Variants in GRM7 observed in about 807,000 individuals in gnomAD.
GRM7 encodes the protein glutamate metabotropic receptor 7, also known as metabotropic glutamate receptor 7.
A neutral mutation model predicts 84.5 loss-of-function variants in GRM7; 35 were observed. The ratio of observed to expected loss-of-function variants is 0.41; its 90% CI spans 0.32 to 0.55. The LOEUF (loss-of-function observed/expected upper bound fraction) is 0.55, where lower values mean the gene tolerates loss of function less well. Ranked by LOEUF, GRM7 falls within the 20% of genes least tolerant of loss-of-function variation. The pLI is 0.19. For missense variants in GRM7, 1,003 were observed against 1,194.6 expected (o/e 0.84, Z 2.36); for synonymous variants, 487 against 455.1 (o/e 1.07, Z -0.89).
intron 4 of GRM7, among the ~76,000 whole-genome samples, chr3:7,391,046 T>A (rs1694973689): frequency 6.6e-6 from 1 of 151,238 alleles, no homozygotes; most frequent in Non-Finnish European, 1.5e-5. Flanking sequence ...TTTTTTTTTC[T>A]TTTTTTTTCC....
intron 1 of GRM7, among the ~76,000 whole-genome samples, chr3:6,900,523 G>T (rs1477184987): frequency 2.0e-5 from 3 of 152,070 alleles, no homozygotes; most frequent in Non-Finnish European, 2.9e-5. Context: ...GAATAGGCAG[G>T]ATAAAGATGA....
At chr3:7,644,486 T>C (rs539529401) in intron 8 of GRM7, among the ~76,000 whole-genome samples, 1 of 152,204 alleles carries the variant, frequency 6.6e-6, no homozygotes, top group Non-Finnish European at 1.5e-5. Context: ...TGATTTTTCT[T>C]TATTCTGTCA....
intron 1 of GRM7, among the ~76,000 whole-genome samples, chr3:7,109,261 A>C (rs184696287): frequency 2.0e-5 from 3 of 152,252 alleles, no homozygotes; most frequent in Admixed American, 2.0e-4. Flanking sequence ...TGTGAATTTG[A>C]TCATCAAGAA....
intron 2 of GRM7, among the ~76,000 whole-genome samples, chr3:7,254,929 G>T (rs1055618279): frequency 4.6e-5 from 7 of 152,212 alleles, no homozygotes; most frequent in African/African-American, 1.4e-4. Context: ...CACTAAGAAC[G>T]GCTTGACTTT....
chr3:6,985,529 A>T, intron 1 of GRM7, among the ~76,000 whole-genome samples: 1 of 152,152 alleles, frequency 6.6e-6, no homozygotes, highest in East Asian at 1.9e-4. Context: ...ATGTTGTTTC[A>T]TTGTTGCCAC....
At chr3:7,569,339 C>T (rs1694521246) in intron 7 of GRM7, among the ~76,000 whole-genome samples, 1 of 152,054 alleles carries the variant, frequency 6.6e-6, no homozygotes, top group African/African-American at 2.4e-5. Flanking sequence ...CTGTATCTAG[C>T]TCCGCTGGTG....
Position 6,944,213 on chromosome 3 carries a change from T to C in GRM7, c.519+82306T>C, listed in dbSNP as rs148806417. Among the ~76,000 whole-genome samples the C allele has an allele frequency of 6.7e-3, 1,014 of 152,202 alleles. 7 individuals carry two copies. The highest frequency in any genetic ancestry group is 0.023 in the African/African-American group (939 of 41,568). On this transcript the variant is annotated intron_variant, in intron 1 of 9. Coordinates refer to ENST00000357716, the MANE Select transcript of GRM7 (RefSeq NM_000844.4). ...ATGGGCTAGAATCTCTAGTACAAGA[T>C]TGAATAGAAGTGGCAAGAAAAGATA...
chr3:6,904,170 T>A (rs950031439), intron 1 of GRM7, among the ~76,000 whole-genome samples: 8 of 152,310 alleles, frequency 5.3e-5, no homozygotes, highest in South Asian at 4.1e-4. Flanking sequence ...TTTGTTTTTT[T>A]AAAAAAATCT....
chr3:7,573,429 T>C (rs1575510729), intron 7 of GRM7, among the ~76,000 whole-genome samples: 1 of 152,066 alleles, frequency 6.6e-6, no homozygotes, highest in African/African-American at 2.4e-5. Flanking sequence ...AGTGATAAAA[T>C]TTTCTTTTAG....
Position 6,874,810 on chromosome 3 carries a change from G to A in GRM7, c.519+12903G>A, listed in dbSNP as rs1453396191. Among the ~76,000 whole-genome samples the A allele has an allele frequency of 2.0e-5, 3 of 152,100 alleles. No individual in the cohort carries two copies. In the East Asian group the frequency reaches 5.8e-4, roughly 29 times the overall value. On this transcript the variant is annotated intron_variant, in intron 1 of 9. Transcript: ENST00000357716. ...CCTCAGTACTAGGAGGTAGTGAAGG[G>A]GACCTCTTCAAAGACCATTCAAGGA... is the stretch of plus-strand genomic sequence containing the variant.
At chr3:7,321,689 A>T (rs1180091174) in intron 4 of GRM7, among the ~76,000 whole-genome samples, 2 of 151,782 alleles carry the variant, frequency 1.3e-5, no homozygotes, top group Non-Finnish European at 2.9e-5. Flanking sequence ...GCACTAATTT[A>T]TTCTAACCTC....
chr3:7,352,057 CCACA>C (rs56873432), intron 4 of GRM7, among the ~76,000 whole-genome samples: 4,150 of 136,930 alleles, frequency 0.03, 52 homozygotes, highest in South Asian at 0.037. Flanking sequence ...CACACACACA[CCACA>C]CACACACACA....
At chr3:7,516,927 G>A (rs1417188256) in intron 7 of GRM7, among the ~76,000 whole-genome samples, 4 of 152,154 alleles carry the variant, frequency 2.6e-5, no homozygotes, top group Non-Finnish European at 2.9e-5. Flanking sequence ...TAAATGTACC[G>A]TAATTCTAGG....
chr3:7,236,134 A>T (rs989802469), intron 2 of GRM7, among the ~76,000 whole-genome samples: 1 of 152,150 alleles, frequency 6.6e-6, no homozygotes, highest in African/African-American at 2.4e-5. Flanking sequence ...AAGGTCACTA[A>T]TACCATTTAT....
chr3:7,339,361 GAAATACACCCTGTTGCC>G (rs1051115190), intron 4 of GRM7, among the ~76,000 whole-genome samples: 10 of 152,096 alleles, frequency 6.6e-5, no homozygotes, highest in Non-Finnish European at 1.5e-5. Context: ...TAAGACATGG[GAAATACACCCTGTTGCC>G]AAGTACAGCA....
At chr3:7,709,575 CCT>C (rs748529487) in intron 9 of GRM7, among the ~76,000 whole-genome samples, 4 of 152,040 alleles carry the variant, frequency 2.6e-5, no homozygotes, top group Non-Finnish European at 5.9e-5. Flanking sequence ...GTGGGCTCCT[CCT>C]CTCTGTGTCA....
intron 1 of GRM7, among the ~76,000 whole-genome samples, chr3:7,119,564 G>A (rs1693151731): frequency 6.6e-6 from 1 of 152,112 alleles, no homozygotes; most frequent in Admixed American, 6.6e-5. Flanking sequence ...ACTATTTGAA[G>A]TTTGAGCTAT....
At chr3:7,122,960 G>A (rs932861556) in intron 1 of GRM7, among the ~76,000 whole-genome samples, 2 of 152,126 alleles carry the variant, frequency 1.3e-5, no homozygotes, top group Non-Finnish European at 2.9e-5. Flanking sequence ...AAGCATTCCT[G>A]AGAATTTTTG....
chr3:6,861,950 C>T lies in GRM7; in HGVS notation c.519+43C>T. ...CCGGGGCGGAGCACACAGTGGCTAC[C>T]TGCGCCCTTAACCCTAAAAGCTGGC... On this transcript the variant is annotated intron_variant, in intron 1 of 9. Coordinates refer to ENST00000357716, the MANE Select transcript of GRM7 (RefSeq NM_000844.4). The surrounding 1 kb of genome is among the most constrained non-coding windows in gnomAD (Gnocchi z 6.4). 6.5e-7 allele frequency: 1 copy of T among 1,530,602 alleles called. No individual in the cohort carries two copies. 94.8% of individuals were successfully genotyped at this position (1,530,602 alleles called of 1,614,324 possible). A position where few individuals can be genotyped will look rare whatever the true frequency, so the allele number is the denominator to read the frequency against.
Sources: gnomAD v4.1 joint callset for allele counts (sites outside exome capture counted in the v4.1 genomes callset) on GRCh38, gnomAD v4.1.1 for gene constraint, Gnocchi (gnomAD v3.1) non-coding constraint, MANE v1.5 for transcripts, NCBI Gene and HGNC (gene_info 2026-07-23, HGNC 2026-07-21) for gene names.